ROBO1: variants seen among roughly 807,000 people sequenced by gnomAD.
The protein encoded by ROBO1 is roundabout homolog 1.
In ROBO1, 149 loss-of-function variants were observed where a neutral mutation model predicts 195.9. The observed-to-expected ratio is 0.76, with a 90% CI of 0.67 to 0.87. The LOEUF (loss-of-function observed/expected upper bound fraction) is 0.87, where lower values mean the gene tolerates loss of function less well. Ranked by LOEUF, ROBO1 falls within the 40% of genes least tolerant of loss-of-function variation. The pLI is 0.00. For missense variants in ROBO1, 1,933 were observed against 2,068.3 expected, an observed-to-expected ratio of 0.93 and a Z score of 1.27; for synonymous variants, 816 against 733.2, an observed-to-expected ratio of 1.11 and a Z score of -1.82.
chr3:78,783,977 T>C (rs1289009833), intron 4 of ROBO1, among the ~76,000 whole-genome samples: 1 of 152,138 alleles, frequency 6.6e-6, no homozygotes, highest in Non-Finnish European at 1.5e-5. Flanking sequence ...ATTAAGTGGC[T>C]TTGAACTAGC....
chr3:78,856,541 G>A (rs981723853), intron 4 of ROBO1, among the ~76,000 whole-genome samples: 5 of 151,546 alleles, frequency 3.3e-5, no homozygotes, highest in Admixed American at 1.3e-4. Context: ...AACATTTAGC[G>A]TATAACCAAT....
intron 1 of ROBO1, among the ~76,000 whole-genome samples, chr3:79,687,464 A>G (rs1243339449): frequency 3.3e-5 from 5 of 152,160 alleles, no homozygotes; most frequent in African/African-American, 9.7e-5. Context: ...AATTTTTCGC[A>G]ATGTACTCAT....
intron 4 of ROBO1, among the ~76,000 whole-genome samples, chr3:78,915,261 T>C (rs1308561144): frequency 6.6e-6 from 1 of 152,148 alleles, no homozygotes; most frequent in Non-Finnish European, 1.5e-5. Context: ...ACATCAAGAA[T>C]GTTCAAAAAG....
chr3:79,479,536 T>C (rs918182759), intron 2 of ROBO1, among the ~76,000 whole-genome samples: 6 of 152,212 alleles, frequency 3.9e-5, no homozygotes, highest in Non-Finnish European at 7.4e-5. Context: ...TGATCTACAA[T>C]AGGAGCGACG....
intron 4 of ROBO1, among the ~76,000 whole-genome samples, chr3:78,923,925 G>C (rs943010014): frequency 1.3e-5 from 2 of 151,818 alleles, no homozygotes; most frequent in African/African-American, 4.8e-5. Context: ...ATTTATAACA[G>C]TACTTGTTAT....
chr3:79,319,148 A>T (rs747557405), intron 2 of ROBO1, among the ~76,000 whole-genome samples: 1 of 152,092 alleles, frequency 6.6e-6, no homozygotes, highest in African/African-American at 2.4e-5. Flanking sequence ...TTGTTGAAAC[A>T]TTTTATAAGT....
intron 2 of ROBO1, among the ~76,000 whole-genome samples, chr3:79,162,282 GAT>G (rs1293645272): frequency 6.6e-6 from 1 of 152,134 alleles, no homozygotes; most frequent in South Asian, 2.1e-4. Flanking sequence ...TAGCTTAGAA[GAT>G]ATAGCATCCA....
At chr3:79,700,846 A>C (rs760716749) in intron 1 of ROBO1, among the ~76,000 whole-genome samples, 15 of 151,274 alleles carry the variant, frequency 9.9e-5, no homozygotes, top group Non-Finnish European at 1.9e-4. Flanking sequence ...TTTTAGTTTC[A>C]ATTTTTGTTT....
intron 2 of ROBO1, among the ~76,000 whole-genome samples, chr3:79,319,312 T>C (rs1464520263): frequency 1.3e-5 from 2 of 152,156 alleles, no homozygotes; most frequent in Non-Finnish European, 2.9e-5. Flanking sequence ...CCTGATAATA[T>C]TGATTAACAT....
At chr3:79,432,100 TTC>T (rs777208006) in intron 2 of ROBO1, among the ~76,000 whole-genome samples, 1 of 152,200 alleles carries the variant, frequency 6.6e-6, no homozygotes, top group East Asian at 1.9e-4. Flanking sequence ...AAGAAATTAT[TTC>T]TTTTTGTTTT....
intron 2 of ROBO1, among the ~76,000 whole-genome samples, chr3:79,223,390 C>G (rs1027844446): frequency 2.0e-5 from 3 of 152,054 alleles, no homozygotes; most frequent in Non-Finnish European, 2.9e-5. Context: ...TGATGAACAA[C>G]AGTATCTATA....
chr3:78,678,926 A>G (rs1193089211), intron 10 of ROBO1, among the ~76,000 whole-genome samples: 75 of 152,162 alleles, frequency 4.9e-4, no homozygotes, highest in African/African-American at 1.7e-3. Context: ...AAAATCCTCA[A>G]TAAAATACTG....
chr3:78,944,918 G>C (rs1164295373), intron 3 of ROBO1, among the ~76,000 whole-genome samples: 1 of 152,184 alleles, frequency 6.6e-6, no homozygotes, highest in Non-Finnish European at 1.5e-5. Context: ...CTCATTGCTA[G>C]CACAGCAGTC....
chr3:78,981,150 T>C (rs1392199009), intron 3 of ROBO1, among the ~76,000 whole-genome samples: 1 of 152,164 alleles, frequency 6.6e-6, no homozygotes, highest in Non-Finnish European at 1.5e-5. Context: ...TAATTGGGCA[T>C]TGAGTATGCA....
At chr3:79,107,500 T>C (rs967266132) in intron 3 of ROBO1, among the ~76,000 whole-genome samples, 1 of 151,808 alleles carries the variant, frequency 6.6e-6, no homozygotes, top group African/African-American at 2.4e-5. Flanking sequence ...TAGTTACTTT[T>C]ACAATCTTGA....
chr3:78,677,512 G>T (rs1175625110), intron 10 of ROBO1, among the ~76,000 whole-genome samples: 2 of 151,894 alleles, frequency 1.3e-5, no homozygotes, highest in Admixed American at 6.6e-5. Context: ...AAAAAAGGCA[G>T]GGGTTGCAAT....
intron 3 of ROBO1, among the ~76,000 whole-genome samples, chr3:78,946,802 G>C (rs1232064564): frequency 1.3e-5 from 2 of 152,094 alleles, no homozygotes; most frequent in Non-Finnish European, 2.9e-5. Flanking sequence ...GACACACATA[G>C]GCTCAAAATA....
At chr3:78,964,045 C>CCT (rs1315594407) in intron 3 of ROBO1, among the ~76,000 whole-genome samples, 1 of 151,942 alleles carries the variant, frequency 6.6e-6, no homozygotes, top group East Asian at 1.9e-4. Flanking sequence ...ATTTGCTCCA[C>CCT]CTCTCTCTCT....
intron 3 of ROBO1, among the ~76,000 whole-genome samples, chr3:79,045,602 C>T (rs902832953): frequency 2.6e-5 from 4 of 152,002 alleles, no homozygotes; most frequent in African/African-American, 9.7e-5. Context: ...AAATTCTATA[C>T]TTTAAAAATT....
Sources: gnomAD v4.1 joint callset for allele counts (sites outside exome capture counted in the v4.1 genomes callset) on GRCh38, gnomAD v4.1.1 for gene constraint, MANE v1.5 for transcripts, NCBI Gene and HGNC (gene_info 2026-07-23, HGNC 2026-07-21) for gene names.